PCSK2: variants seen among roughly 807,000 people sequenced by gnomAD.
The protein encoded by PCSK2 is neuroendocrine convertase 2.
PCSK2 carries 14 observed loss-of-function variants against 69.7 expected under a neutral mutation model. The observed-to-expected ratio is 0.20, with a 90% CI of 0.13 to 0.31. The LOEUF is 0.31. PCSK2 is among the 10% of genes least tolerant of loss of function. PCSK2 has a pLI of 1.00. For synonymous variants in PCSK2, 307 were observed against 320.7 expected (o/e 0.96, Z 0.46); for missense variants, 544 against 842.5 (o/e 0.65, Z 4.39).
At chr20:17,355,590 T>C (rs1319543583) in intron 2 of PCSK2, among the ~76,000 whole-genome samples, 1 of 152,136 alleles carries the variant, frequency 6.6e-6, no homozygotes, top group Non-Finnish European at 1.5e-5. Flanking sequence ...GGTGGAGAAC[T>C]ATACATTTAC....
intron 5 of PCSK2, among the ~76,000 whole-genome samples, chr20:17,389,540 C>T (rs2031320088): frequency 6.6e-6 from 1 of 152,148 alleles, no homozygotes; most frequent in Admixed American, 6.5e-5. Flanking sequence ...TGAACAGATG[C>T]TCAGGCCTGA....
At chr20:17,473,087 CTTTTTTT>C (rs10648323) in intron 11 of PCSK2, among the ~76,000 whole-genome samples, 4 of 76,800 alleles carry the variant, frequency 5.2e-5, no homozygotes, top group Non-Finnish European at 9.1e-5. Flanking sequence ...AAGAAGAACT[CTTTTTTT>C]TTTTTTTTTT....
At chr20:17,398,523 C>CAAAAAAAAAA (rs36062712) in intron 5 of PCSK2, among the ~76,000 whole-genome samples, 4 of 85,204 alleles carry the variant, frequency 4.7e-5, no homozygotes, top group African/African-American at 9.4e-5. Context: ...GATCCTGTCT[C>CAAAAAAAAAA]AAAAAAAAAA....
chr20:17,248,179 T>TGC (rs2122968744), intron 1 of PCSK2, among the ~76,000 whole-genome samples: 1 of 42,928 alleles, frequency 2.3e-5, no homozygotes, highest in South Asian at 9.9e-4. Flanking sequence ...AAAAAGGGTG[T>TGC]GTGTGTGTGT....
At chr20:17,426,001 C>A (rs2032240847) in intron 6 of PCSK2, among the ~76,000 whole-genome samples, 1 of 152,146 alleles carries the variant, frequency 6.6e-6, no homozygotes, top group Non-Finnish European at 1.5e-5. Flanking sequence ...TTAGCATTTT[C>A]TGCCACCAAC....
chr20:17,384,712 T>C (rs1402687427), intron 5 of PCSK2, among the ~76,000 whole-genome samples: 1 of 152,076 alleles, frequency 6.6e-6, no homozygotes, highest in East Asian at 1.9e-4. Flanking sequence ...GGTGGGAGTA[T>C]TGCTTGAGCC....
intron 5 of PCSK2, among the ~76,000 whole-genome samples, chr20:17,404,497 G>A (rs1201096959): frequency 1.3e-5 from 2 of 152,142 alleles, no homozygotes; most frequent in African/African-American, 2.4e-5. Context: ...CTTCACCATC[G>A]CAATGTAATG....
At chr20:17,334,949 C>T (rs1026170922) in intron 2 of PCSK2, among the ~76,000 whole-genome samples, 8 of 152,198 alleles carry the variant, frequency 5.3e-5, no homozygotes, top group East Asian at 3.8e-4. Flanking sequence ...GGTGTAAAAC[C>T]GGCAACTCAG....
chr20:17,265,079 G>A (rs940616902), intron 2 of PCSK2, among the ~76,000 whole-genome samples: 57 of 152,274 alleles, frequency 3.7e-4, no homozygotes, highest in African/African-American at 1.3e-3. Flanking sequence ...GGCCGGGCTG[G>A]TCTTGAACTC....
At chr20:17,402,952 G>A (rs993520282) in intron 5 of PCSK2, among the ~76,000 whole-genome samples, 15 of 151,184 alleles carry the variant, frequency 9.9e-5, no homozygotes, top group South Asian at 2.1e-4. Flanking sequence ...GCGAGACTCC[G>A]TCTCAAAAAA....
chr20:17,434,574 G>T (rs6075209), intron 7 of PCSK2, among the ~76,000 whole-genome samples: 1 of 151,946 alleles, frequency 6.6e-6, no homozygotes, highest in African/African-American at 2.4e-5. Flanking sequence ...AGGTTCTTGC[G>T]CAGCACAGAG....
intron 10 of PCSK2, among the ~76,000 whole-genome samples, chr20:17,462,734 G>T (rs974142700): frequency 1.3e-5 from 2 of 152,172 alleles, no homozygotes; most frequent in African/African-American, 4.8e-5. Flanking sequence ...TCATATATCT[G>T]CATCTTATTT....
At chr20:17,455,249 C>T (rs2032898228) in intron 9 of PCSK2, among the ~76,000 whole-genome samples, 1 of 152,088 alleles carries the variant, frequency 6.6e-6, no homozygotes, top group South Asian at 2.1e-4. Flanking sequence ...TCAATAGATG[C>T]CCTTAAACCT....
At chr20:17,388,721 G>A (rs115390527) in intron 5 of PCSK2, among the ~76,000 whole-genome samples, 295 of 152,090 alleles carry the variant, frequency 1.9e-3, no homozygotes, top group African/African-American at 6.7e-3. Context: ...GCAGGAACCC[G>A]GACTGACCCA....
At chr20:17,282,806 C>T (rs1045768469) in intron 2 of PCSK2, among the ~76,000 whole-genome samples, 1 of 151,564 alleles carries the variant, frequency 6.6e-6, no homozygotes, top group South Asian at 2.1e-4. Context: ...TAAAGTGACA[C>T]CTTTTATCTT....
rs2033079443 is a variant in PCSK2 at position 17,465,206 on chromosome 20, T to C, written c.1203-120T>C. 5.2e-6 allele frequency: 4 copies of C among 761,980 alleles called. No individual in the cohort carries two copies. In the South Asian group the frequency reaches 5.9e-5, roughly 11 times the overall value. 47.2% of individuals were successfully genotyped at this position (761,980 alleles called of 1,614,324 possible). ...CCTTGAATTTGAGAGTTCACAGAGA[T>C]TCCAAAATCTTACAAGAGGTCTGTG... On this transcript the variant is annotated intron_variant, in intron 10 of 11. Transcript: ENST00000262545.
chr20:17,344,359 AT>A (rs56145833), intron 2 of PCSK2, among the ~76,000 whole-genome samples: 2 of 151,886 alleles, frequency 1.3e-5, no homozygotes, highest in Non-Finnish European at 2.9e-5. Flanking sequence ...TTCAACACAC[AT>A]TTTTTTTCTA....
At chr20:17,316,721 C>G (rs1568599977) in intron 2 of PCSK2, among the ~76,000 whole-genome samples, 1 of 152,198 alleles carries the variant, frequency 6.6e-6, no homozygotes, top group African/African-American at 2.4e-5. Context: ...CCTTTCTCCA[C>G]CAGCCCCATG....
At chr20:17,456,523 G>A in intron 10 of PCSK2, 75 bp downstream of exon 10, 1 of 806,244 alleles carries the variant, frequency 1.2e-6, no homozygotes, top group South Asian at 1.5e-5. Context: ...CACATGCCAG[G>A]TGTCCATGGA....
Sources: allele counts gnomAD v4.1 joint callset (sites outside exome capture counted in the v4.1 genomes callset), GRCh38; gene constraint gnomAD v4.1.1; transcripts MANE v1.5; gene names NCBI Gene and HGNC (gene_info 2026-07-23, HGNC 2026-07-21).